The following MIB1 variants were observed in gnomAD, a reference collection of about 807,000 sequenced individuals.
The protein encoded by MIB1 is E3 ubiquitin-protein ligase MIB1.
Under a neutral mutation model 124.5 loss-of-function variants are expected in MIB1, and 278 were observed. That is an observed-to-expected ratio of 2.23 (90% confidence interval 2.02 to 2.47). The LOEUF is 2.47. Among genes scored for constraint, MIB1 ranks in the 30% most tolerant of loss-of-function variants. The pLI is 0.00. For missense variants in MIB1, 957 were observed against 1,254.4 expected (o/e 0.76, Z 3.58); for synonymous variants, 446 against 429.4 (o/e 1.04, Z -0.48).
At chr18:21,716,580 G>A (rs569076471) in intron 1 of MIB1, among the ~76,000 whole-genome samples, 69 of 152,282 alleles carry the variant, frequency 4.5e-4, no homozygotes, top group South Asian at 1.5e-3. Context: ...GGCTGGGCAC[G>A]GTGGCTCACG....
chr18:21,727,678 A>G (rs954965716), intron 1 of MIB1, among the ~76,000 whole-genome samples: 13 of 152,126 alleles, frequency 8.5e-5, no homozygotes, highest in Admixed American at 7.9e-4. Flanking sequence ...GTGAGGGGAT[A>G]GCTTAAGCCA....
chr18:21,743,944 T>C (rs1322724250), intron 1 of MIB1, among the ~76,000 whole-genome samples: 1 of 152,142 alleles, frequency 6.6e-6, no homozygotes, highest in Admixed American at 6.5e-5. Flanking sequence ...AATCTTAGTT[T>C]AATAAGATAA....
At chr18:21,840,300 A>C (rs2042071356) in intron 13 of MIB1, among the ~76,000 whole-genome samples, 1 of 152,152 alleles carries the variant, frequency 6.6e-6, no homozygotes. Context: ...AAAAAAAAGA[A>C]CCACACATAT....
At chr18:21,739,923 C>CA (rs879507919), upstream of MIB1, among the ~76,000 whole-genome samples, 955 of 119,222 alleles carry the variant, frequency 8.0e-3, 23 homozygotes, top group East Asian at 0.086. Context: ...AAAAACAAAG[C>CA]AAAAAAAAAA....
chr18:21,851,136 T>C (rs2146513067), intron 17 of MIB1, among the ~76,000 whole-genome samples: 1 of 152,268 alleles, frequency 6.6e-6, no homozygotes, highest in East Asian at 1.9e-4. Context: ...GAGTCTCAGC[T>C]ATGAAGTTAT....
At chr18:21,753,452 T>A (rs1326100697) in intron 1 of MIB1, among the ~76,000 whole-genome samples, 2 of 152,052 alleles carry the variant, frequency 1.3e-5, no homozygotes, top group Admixed American at 1.3e-4. Context: ...CCTCCCAAAG[T>A]GTTGCGATTA....
chr18:21,863,977 G>T (rs1459113521), intron 20 of MIB1, among the ~76,000 whole-genome samples: 1 of 152,086 alleles, frequency 6.6e-6, no homozygotes, highest in Non-Finnish European at 1.5e-5. Context: ...CTGCACTCCA[G>T]CCTGGCGACA....
intron 1 of MIB1, among the ~76,000 whole-genome samples, chr18:21,743,332 C>A (rs1295551035): frequency 1.3e-5 from 2 of 152,146 alleles, no homozygotes; most frequent in African/African-American, 4.8e-5. Flanking sequence ...GGTGATTGTT[C>A]CATTGTTTCA....
rs2042346944 is a variant in MIB1 at position 21,870,396 on chromosome 18, T to C, written c.*5730T>C. On this transcript the variant is annotated 3_prime_UTR_variant, in exon 21 of 21. Coordinates refer to ENST00000261537, the MANE Select transcript of MIB1 (RefSeq NM_020774.4). The stretch of plus-strand genomic sequence containing the variant: ...CAGTTGTTTACAGTTAAGGTACCTC[T>C]ATCTAAAGGGCCAAAGAAGCATTTC... 1 of 152,168 alleles carries C rather than the reference T, an allele frequency of 6.6e-6. No individual in the cohort carries two copies. The highest frequency in any genetic ancestry group is 1.5e-5 in the Non-Finnish European group (1 of 67,992). 9.4% of individuals were successfully genotyped at this position (152,168 alleles called of 1,614,324 possible). A position where few individuals can be genotyped will look rare whatever the true frequency, so the allele number is the denominator to read the frequency against.
At chr18:21,809,766 G>A (rs1441912601) in intron 10 of MIB1, among the ~76,000 whole-genome samples, 1 of 151,992 alleles carries the variant, frequency 6.6e-6, no homozygotes, top group African/African-American at 2.4e-5. Flanking sequence ...TGTAATAAAA[G>A]CCATATATGA....
At chr18:21,743,250 C>T (rs1412919190) in intron 1 of MIB1, among the ~76,000 whole-genome samples, 1 of 152,096 alleles carries the variant, frequency 6.6e-6, no homozygotes, top group African/African-American at 2.4e-5. Context: ...AAATCTAATC[C>T]CCTTTTAAGT....
chr18:21,751,606 C>G (rs1050894911), intron 1 of MIB1, among the ~76,000 whole-genome samples: 3 of 152,132 alleles, frequency 2.0e-5, no homozygotes, highest in Non-Finnish European at 4.4e-5. Context: ...AATTGTAGTT[C>G]TTTCTTATTA....
chr18:21,768,769 AATTC>A lies in MIB1; in HGVS notation c.531+21_531+24del, dbSNP rs2041193968. ...AGGGGAAAGGTACAGTGTTTCTCTG[AATTC>A]ATTATGTATTCTAGAGTATTATATG... On this transcript the variant is annotated intron_variant, in intron 3 of 20. Transcript: ENST00000261537. The A allele has an allele frequency of 6.2e-7, 1 of 1,600,286 alleles. No homozygotes were observed. Among genetic ancestry groups the A allele is most frequent in the Non-Finnish European group, 8.5e-7 (1 of 1,172,948 alleles).
chr18:21,858,797 G>T, intron 20 of MIB1, 151 bp downstream of exon 20: 1 of 475,928 alleles, frequency 2.1e-6, no homozygotes. Flanking sequence ...CTGATTAGAG[G>T]GTTTAATCAG....
At chr18:21,773,258 C>T (rs572110529) in intron 3 of MIB1, among the ~76,000 whole-genome samples, 1 of 152,034 alleles carries the variant, frequency 6.6e-6, no homozygotes, top group Non-Finnish European at 1.5e-5. Flanking sequence ...GAGCGAGATT[C>T]CATCTCAAAA....
At chr18:21,730,624 C>G (rs1490370044) in intron 1 of MIB1, among the ~76,000 whole-genome samples, 1 of 152,130 alleles carries the variant, frequency 6.6e-6, no homozygotes, top group African/African-American at 2.4e-5. Flanking sequence ...ATGGCTCTAC[C>G]CTTTCACTTG....
At chr18:21,823,231 CAAAA>C (rs11315288) in intron 12 of MIB1, among the ~76,000 whole-genome samples, 12 of 129,884 alleles carry the variant, frequency 9.2e-5, no homozygotes, top group Admixed American at 1.5e-4. Context: ...AAGACTGTAT[CAAAA>C]AAAAAAAAAA....
chr18:21,737,580 T>A (rs2040801825), upstream of MIB1, among the ~76,000 whole-genome samples: 1 of 152,084 alleles, frequency 6.6e-6, no homozygotes, highest in Non-Finnish European at 1.5e-5. Flanking sequence ...AGACACACAC[T>A]GGCAAATTGG....
intron 7 of MIB1, among the ~76,000 whole-genome samples, chr18:21,795,869 T>C (rs1431299627): frequency 6.6e-6 from 1 of 152,170 alleles, no homozygotes; most frequent in African/African-American, 2.4e-5. Context: ...GATTGTTAGA[T>C]GTACCAAAAA....
Sources: gnomAD v4.1 joint callset for allele counts (sites outside exome capture counted in the v4.1 genomes callset) on GRCh38, gnomAD v4.1.1 for gene constraint, MANE v1.5 for transcripts, NCBI Gene and HGNC (gene_info 2026-07-23, HGNC 2026-07-21) for gene names.